Variants in INTU observed in about 807,000 individuals in gnomAD.
INTU encodes inturned planar cell polarity protein.
A neutral mutation model predicts 100.5 loss-of-function variants in INTU; 68 were observed. The ratio of observed to expected loss-of-function variants is 0.68; its 90% CI spans 0.56 to 0.83. The LOEUF (loss-of-function observed/expected upper bound fraction) is 0.83, where lower values mean the gene tolerates loss of function less well. Ranked by LOEUF, INTU falls within the 40% of genes least tolerant of loss-of-function variation. The pLI, the probability that INTU is intolerant of heterozygous loss-of-function variation, is 0.00. For synonymous variants in INTU, 357 were observed against 395.7 expected (o/e 0.90, Z 1.16); for missense variants, 1,071 against 1,114.7 (o/e 0.96, Z 0.56).
intron 6 of INTU, among the ~76,000 whole-genome samples, chr4:127,683,076 A>G (rs1729657324): frequency 6.6e-6 from 1 of 152,150 alleles, no homozygotes; most frequent in Admixed American, 6.6e-5. Context: ...CCAACAAAGG[A>G]CTGTCACTGC....
At chr4:127,681,949 G>T (rs1451373268) in intron 6 of INTU, among the ~76,000 whole-genome samples, 1 of 151,956 alleles carries the variant, frequency 6.6e-6, no homozygotes, top group African/African-American at 2.4e-5. Flanking sequence ...CGAAGGACAT[G>T]AACAGATACT....
In INTU at chr4:127,669,237, G is replaced by T. The variant is rs554198789; in HGVS notation, c.1091+83G>T. 1.8e-3 allele frequency: 1,123 copies of T among 630,842 alleles called. 1 individual carries two copies. Among genetic ancestry groups the T allele is most frequent in the Non-Finnish European group, 2.5e-3 (904 of 354,844 alleles). The allele number at this position is 630,842 out of a possible 1,614,324, so 39.1% of individuals were successfully genotyped here. A position where few individuals can be genotyped will look rare whatever the true frequency, so the allele number is the denominator to read the frequency against. On this transcript the variant is annotated intron_variant, in intron 5 of 15. Transcript: ENST00000335251. ...GACAAAATGCTAAAACAAGTATCTG[G>T]TATACAAATATACTTGTATCTACAA... is the stretch of plus-strand genomic sequence containing the variant.
At chr4:127,688,349 A>T (rs1310185921) in intron 8 of INTU, among the ~76,000 whole-genome samples, 1 of 152,224 alleles carries the variant, frequency 6.6e-6, no homozygotes, top group Non-Finnish European at 1.5e-5. Flanking sequence ...ACCAATAGTA[A>T]AACTGTATGA....
intron 1 of INTU, 22 bp downstream of exon 1, chr4:127,633,202 A>G: frequency 6.2e-7 from 1 of 1,608,626 alleles, no homozygotes; most frequent in African/African-American, 1.3e-5. Context: ...AAAGAGGGAC[A>G]ATTAATCCCA....
chr4:127,659,963 T>A (rs1728404146), intron 3 of INTU, among the ~76,000 whole-genome samples: 1 of 152,234 alleles, frequency 6.6e-6, no homozygotes, highest in South Asian at 2.1e-4. Flanking sequence ...TAAAATTTTT[T>A]AAATATTTGT....
At chr4:127,659,697 C>T (rs975955708) in intron 3 of INTU, among the ~76,000 whole-genome samples, 6 of 152,108 alleles carry the variant, frequency 3.9e-5, no homozygotes, top group Admixed American at 6.6e-5. Flanking sequence ...TTGCAGATGA[C>T]GAAGACTGAT....
chr4:127,707,643 CTG>C (rs559591609), intron 12 of INTU, among the ~76,000 whole-genome samples: 31 of 149,062 alleles, frequency 2.1e-4, no homozygotes, highest in East Asian at 2.0e-4. Context: ...ATTTGTGTGT[CTG>C]TGTGTGTGTG....
At chr4:127,666,865 A>G (rs561262623) in intron 4 of INTU, among the ~76,000 whole-genome samples, 2 of 152,308 alleles carry the variant, frequency 1.3e-5, no homozygotes, top group South Asian at 4.1e-4. Context: ...TGTATTCTCA[A>G]TGCTAAAGCT....
intron 5 of INTU, among the ~76,000 whole-genome samples, chr4:127,670,527 G>C (rs971078274): frequency 1.3e-5 from 2 of 151,834 alleles, no homozygotes; most frequent in African/African-American, 2.4e-5. Flanking sequence ...CATATTGCAG[G>C]CCTCTTTTTA....
At chr4:127,636,729 A>G (rs888740366) in intron 1 of INTU, among the ~76,000 whole-genome samples, 2 of 152,136 alleles carry the variant, frequency 1.3e-5, no homozygotes, top group Non-Finnish European at 2.9e-5. Flanking sequence ...ATGTGTAGAA[A>G]TGCTGACTTT....
chr4:127,705,167 T>C (rs1456910711), intron 10 of INTU, among the ~76,000 whole-genome samples: 1 of 152,080 alleles, frequency 6.6e-6, no homozygotes, highest in Non-Finnish European at 1.5e-5. Context: ...AAGCAAAGCA[T>C]CAAATGAATT....
Position 127,716,503 on chromosome 4 carries a change from A to G in INTU, c.*67A>G, listed in dbSNP as rs571792543. On this transcript the variant is annotated 3_prime_UTR_variant, in exon 16 of 16. Transcript: ENST00000335251. Reference sequence around the variant, plus strand: ...AAACACTGTCAGAATTGCTGAAATCAATACACAAAGAGATAAAGTTTAGCT... The same window carrying G: ...AAACACTGTCAGAATTGCTGAAATCGATACACAAAGAGATAAAGTTTAGCT... 97 of 638,430 alleles carry G rather than the reference A, an allele frequency of 1.5e-4. 2 individuals carry two copies. The Admixed American group carries it at 1.9e-3, about 13-fold the overall frequency. The allele number at this position is 638,430 out of a possible 1,614,324, so 39.5% of individuals were successfully genotyped here.
Position 127,633,025 on chromosome 4 carries a change from A to T in INTU, c.-10A>T. ...GAATTACTCCACTCGTAGCTATTGC[A>T]TTCCTGACGATGGCCTCTGTGGCTT... On this transcript the variant is annotated 5_prime_UTR_variant, in exon 1 of 16. Transcript: ENST00000335251. 1.2e-6 allele frequency: 2 copies of T among 1,611,026 alleles called. No homozygotes were observed. The highest frequency in any genetic ancestry group is 1.7e-6 in the Non-Finnish European group (2 of 1,177,870).
chr4:127,633,794 A>G (rs968325523), intron 1 of INTU, among the ~76,000 whole-genome samples: 4 of 152,216 alleles, frequency 2.6e-5, no homozygotes, highest in East Asian at 1.9e-4. Flanking sequence ...AAAAATACAG[A>G]TACCTAAAGG....
At chr4:127,693,027 T>A (rs1054500274) in intron 8 of INTU, among the ~76,000 whole-genome samples, 1 of 152,182 alleles carries the variant, frequency 6.6e-6, no homozygotes, top group Admixed American at 6.5e-5. Flanking sequence ...TGCCTCCAGA[T>A]TTTTTTTGCT....
rs766374351 is a variant in INTU, at chr4:127,687,787, C to T, written c.1369C>T (p.Gln457Ter). 21 of 1,613,428 alleles carry T rather than the reference C, an allele frequency of 1.3e-5. No individual in the cohort carries two copies. The highest frequency in any genetic ancestry group is 1.8e-5 in the Non-Finnish European group (21 of 1,179,672). The part of the protein sequence containing the change: ...KLHSSASPSA[Q>*]QYDASSAVLL... The stretch of plus-strand genomic sequence containing the variant: ...GCATTCCAGCGCCAGTCCCAGTGCT[C>T]AGCAGTACGATGCTTCCAGTGCAGT... The change falls in exon 8 of 16, where the codon CAG (glutamine) becomes TAG (stop). Residue 457 changes from glutamine (Q) to a stop codon, truncating the protein, a stop_gained. Coordinates refer to ENST00000335251, the MANE Select transcript of INTU (RefSeq NM_015693.4). LOFTEE classifies it high-confidence loss of function.
At chr4:127,700,405 CTT>C (rs1254368212) in intron 9 of INTU, among the ~76,000 whole-genome samples, 1 of 152,164 alleles carries the variant, frequency 6.6e-6, no homozygotes, top group East Asian at 1.9e-4. Flanking sequence ...CGTTTTTAAT[CTT>C]TTAATTATTG....
chr4:127,705,860 A>AT (rs766925684), intron 11 of INTU, 48 bp downstream of exon 11: 102 of 1,509,972 alleles, frequency 6.8e-5, no homozygotes, highest in Non-Finnish European at 8.9e-5. Flanking sequence ...CTTTTCTTTT[A>AT]TTTTTTTCTT....
At chr4:127,681,017 A>G (rs958565144) in intron 6 of INTU, among the ~76,000 whole-genome samples, 3 of 151,892 alleles carry the variant, frequency 2.0e-5, no homozygotes, top group African/African-American at 4.8e-5. Context: ...TTCAAAGAGA[A>G]TAAAATACCT....
Sources: gnomAD v4.1 joint callset for allele counts (sites outside exome capture counted in the v4.1 genomes callset) on GRCh38, gnomAD v4.1.1 for gene constraint, MANE v1.5 for transcripts, NCBI Gene and HGNC (gene_info 2026-07-23, HGNC 2026-07-21) for gene names.